The following DIPK2B variants were observed in gnomAD, a reference collection of about 807,000 sequenced individuals.
The protein encoded by DIPK2B is UPF0672 protein CXorf36.
Under a neutral mutation model 22.2 loss-of-function variants are expected in DIPK2B, and 15 were observed. The observed-to-expected ratio is 0.68, with a 90% CI of 0.45 to 1.04. DIPK2B has a LOEUF of 1.04. Ranked by LOEUF, DIPK2B falls within the 50% of genes least tolerant of loss-of-function variation. The probability of loss-of-function intolerance (pLI) is 0.00; values close to 1 mark genes in which losing one functional copy is unlikely to be tolerated. For synonymous variants in DIPK2B, 163 were observed against 153.2 expected (o/e 1.06, Z -0.47); for missense variants, 345 against 348.3 (o/e 0.99, Z 0.08).
chrX:45,191,886 T>C lies in DIPK2B; in HGVS notation c.363A>G (p.Gln121=). Reference sequence around the variant, plus strand: ...AGATTCTCCTGTCTGAGATCTCGTTTTGATATTTGCTGACCAGTCTAAAGA... The same window carrying C: ...AGATTCTCCTGTCTGAGATCTCGTTCTGATATTTGCTGACCAGTCTAAAGA... ...VEIFRLVSKY[Q]NEISDRRICA... Residue 121 remains glutamine (Q), a synonymous_variant, in exon 2 of 5, where the codon CAA becomes CAG. Coordinates refer to ENST00000398000, the MANE Select transcript of DIPK2B (RefSeq NM_176819.4). 1.6e-6 allele frequency: 2 copies of C among 1,212,217 alleles called. No individual in the cohort carries two copies. Among genetic ancestry groups the C allele is most frequent in the Non-Finnish European group, 2.2e-6 (2 of 895,606 alleles).
intron 2 of DIPK2B, among the ~76,000 whole-genome samples, chrX:45,182,972 G>T (rs2047163020): frequency 9.0e-6 from 1 of 111,605 alleles, no homozygotes; most frequent in South Asian, 3.7e-4. Flanking sequence ...TTTTGGGAAG[G>T]CACATGAAGG....
chrX:45,198,058 G>A (rs1481927530), intron 1 of DIPK2B, among the ~76,000 whole-genome samples: 1 of 112,480 alleles, frequency 8.9e-6, no homozygotes, highest in Non-Finnish European at 1.9e-5. Flanking sequence ...ATCAAAGTGT[G>A]TGGAAGATCA....
chrX:45,175,786 A>G, intron 2 of DIPK2B, among the ~76,000 whole-genome samples: 1 of 105,472 alleles, frequency 9.5e-6, no homozygotes, highest in East Asian at 3.1e-4. Flanking sequence ...TAACAAATAA[A>G]AGTAAAAAAA....
At chrX:45,166,694 G>C (rs1443086347) in intron 2 of DIPK2B, among the ~76,000 whole-genome samples, 1 of 111,510 alleles carries the variant, frequency 9.0e-6, no homozygotes, top group Admixed American at 9.6e-5. Flanking sequence ...TGCCACTACT[G>C]AACATATTCG....
chrX:45,194,249 C>T (rs1363195414), intron 1 of DIPK2B, among the ~76,000 whole-genome samples: 1 of 48,399 alleles, frequency 2.1e-5, no homozygotes, highest in Non-Finnish European at 4.2e-5. Flanking sequence ...CCCAAGGAAC[C>T]CATTAATTTT....
At position 45,154,307 on chromosome X, in the gene DIPK2B, CTATCT is replaced by C. The variant is rs2046979460; in HGVS notation, c.673-114_673-110del. 6.1e-6 allele frequency: 4 copies of C among 656,674 alleles called. No homozygotes were observed. The African/African-American group carries it at 9.8e-5, about 16-fold the overall frequency. The allele number at this position is 656,674 out of a possible 1,213,427, so 54.1% of individuals were successfully genotyped here. On this transcript the variant is annotated intron_variant, in intron 3 of 4. Coordinates refer to ENST00000398000, the MANE Select transcript of DIPK2B (RefSeq NM_176819.4). ...TCTATCTATCTATCTATCTATCTAT[CTATCT>C]ATCTATCTGTCTATCTATATCAATC...
chrX:45,182,690 A>G (rs2047161781), intron 2 of DIPK2B, among the ~76,000 whole-genome samples: 1 of 113,408 alleles, frequency 8.8e-6, no homozygotes, highest in Non-Finnish European at 1.9e-5. Flanking sequence ...TGTTTCACAC[A>G]CTGCAGTGAA....
At chrX:45,155,378 G>A (rs1167865276) in intron 3 of DIPK2B, among the ~76,000 whole-genome samples, 2 of 108,593 alleles carry the variant, frequency 1.8e-5, no homozygotes. Flanking sequence ...AGCCGAGATC[G>A]TGCCACTGCA....
intron 2 of DIPK2B, chrX:45,163,400 A>T: frequency 1.3e-6 from 1 of 753,645 alleles, no homozygotes; most frequent in Non-Finnish European, 1.6e-6. Context: ...AAGGAAAAAC[A>T]CTCGTTCATT....
intron 4 of DIPK2B, among the ~76,000 whole-genome samples, chrX:45,153,549 G>A (rs978477251): frequency 9.6e-6 from 1 of 104,637 alleles, no homozygotes; most frequent in African/African-American, 3.5e-5. Context: ...GAGAGAGAGA[G>A]TGAGAAAGAG....
chrX:45,153,552 A>G (rs1032670773), intron 4 of DIPK2B, among the ~76,000 whole-genome samples: 1 of 104,684 alleles, frequency 9.6e-6, no homozygotes, highest in African/African-American at 3.5e-5. Context: ...AGAGAGAGTG[A>G]GAAAGAGAGA....
intron 2 of DIPK2B, chrX:45,163,981 T>C: frequency 1.0e-6 from 1 of 959,863 alleles, no homozygotes; most frequent in Non-Finnish European, 1.3e-6. Flanking sequence ...TTTGGAGTTG[T>C]CATCAGAGAA....
At chrX:45,199,750 C>A (rs772661178) in intron 1 of DIPK2B, among the ~76,000 whole-genome samples, 1 of 111,203 alleles carries the variant, frequency 9.0e-6, no homozygotes, top group South Asian at 3.8e-4. Context: ...TATAACATGA[C>A]CCCCTTGTCC....
intron 1 of DIPK2B, among the ~76,000 whole-genome samples, chrX:45,198,959 C>T (rs191763186): frequency 9.0e-6 from 1 of 111,392 alleles, no homozygotes; most frequent in African/African-American, 3.3e-5. Context: ...CTCACAGCCC[C>T]TGCCAACACC....
rs142254415 is a variant in DIPK2B, at chrX:45,183,978, A to G, written c.498+7773T>C. Among the ~76,000 whole-genome samples the G allele has an allele frequency of 8.3e-3, 929 of 112,108 alleles. 7 individuals carry two copies. The highest frequency in any genetic ancestry group is 0.025 in the South Asian group (69 of 2,706). On this transcript the variant is annotated intron_variant, in intron 2 of 4. Transcript: ENST00000398000. ...CGGGGTATGATAAGTATCAGAAACA[A>G]GTTGACAGGCTAGAATAATGGATTT...
At chrX:45,162,012 C>T (rs2047024950) in intron 2 of DIPK2B, among the ~76,000 whole-genome samples, 1 of 111,547 alleles carries the variant, frequency 9.0e-6, no homozygotes, top group East Asian at 2.8e-4. Context: ...AAAGGTGATA[C>T]AGCTTCTACT....
At chrX:45,197,248 T>C (rs2047244002) in intron 1 of DIPK2B, among the ~76,000 whole-genome samples, 1 of 110,123 alleles carries the variant, frequency 9.1e-6, no homozygotes, top group Non-Finnish European at 1.9e-5. Context: ...ATCACTTTTT[T>C]TTTTTTTGAG....
chrX:45,173,014 G>A (rs1415912420), intron 2 of DIPK2B, among the ~76,000 whole-genome samples: 2 of 111,561 alleles, frequency 1.8e-5, no homozygotes, highest in South Asian at 3.8e-4. Context: ...GAGAGCAGGC[G>A]CTGCCAGGCT....
intron 2 of DIPK2B, among the ~76,000 whole-genome samples, chrX:45,175,864 C>T (rs1315408923): frequency 9.4e-6 from 1 of 106,505 alleles, no homozygotes; most frequent in Non-Finnish European, 1.9e-5. Flanking sequence ...TAGCAGGTGG[C>T]CAGGTTAAGC....
Sources: allele counts gnomAD v4.1 joint callset (sites outside exome capture counted in the v4.1 genomes callset), GRCh38; gene constraint gnomAD v4.1.1; transcripts MANE v1.5; gene names NCBI Gene and HGNC (gene_info 2026-07-23, HGNC 2026-07-21).